CIMIP2C: variants seen among roughly 807,000 people sequenced by gnomAD.
CIMIP2C encodes the protein UPF0573 protein C2orf70.
At chr2:26,572,856 T>C in the CIMIP2C span, among the ~76,000 whole-genome samples, 3 of 151,862 alleles carry the variant, frequency 2.0e-5, no homozygotes, top group African/African-American at 4.8e-5. Flanking sequence ...ATGGTTCCAG[T>C]GTGGGAGGAA....
the CIMIP2C span, among the ~76,000 whole-genome samples, chr2:26,576,438 G>A: frequency 6.6e-6 from 1 of 152,198 alleles, no homozygotes; most frequent in Non-Finnish European, 1.5e-5. Flanking sequence ...ACTGCCAGTG[G>A]AGCTAGGGGT....
chr2:26,578,834 C>T, the CIMIP2C span: 1 of 471,336 alleles, frequency 2.1e-6, no homozygotes, highest in African/African-American at 2.0e-5. Flanking sequence ...AAGGGCCAAC[C>T]AGGTGGTTGG....
chr2:26,571,015 G>A, the CIMIP2C span, among the ~76,000 whole-genome samples: 418 of 152,234 alleles, frequency 2.7e-3, 4 homozygotes, highest in African/African-American at 9.7e-3. Context: ...GAGGGGGCAG[G>A]GATATACTGG....
the CIMIP2C span, among the ~76,000 whole-genome samples, chr2:26,569,354 A>T: frequency 1.3e-5 from 2 of 152,196 alleles, no homozygotes; most frequent in African/African-American, 2.4e-5. Flanking sequence ...GCTGGAAAGC[A>T]TTCTCACAGA....
At chr2:26,563,163 A>G in the CIMIP2C span, 1 of 159,302 alleles carries the variant, frequency 6.3e-6, no homozygotes, top group Non-Finnish European at 1.4e-5. Context: ...GCCCGCTCGA[A>G]GAACCTGGCA....
At chr2:26,566,274 G>A in the CIMIP2C span, among the ~76,000 whole-genome samples, 2 of 152,160 alleles carry the variant, frequency 1.3e-5, no homozygotes, top group Admixed American at 1.3e-4. Flanking sequence ...GCCTGGGGTG[G>A]CAGTTGTGCC....
chr2:26,565,011 A>G, the CIMIP2C span, among the ~76,000 whole-genome samples: 14 of 151,320 alleles, frequency 9.3e-5, no homozygotes, highest in African/African-American at 3.2e-4. Context: ...GCCCTTCACA[A>G]CATTTTCTTC....
the CIMIP2C span, among the ~76,000 whole-genome samples, chr2:26,572,349 G>GTTTTTTTT: frequency 2.9e-5 from 4 of 138,658 alleles, no homozygotes; most frequent in African/African-American, 2.7e-5. Context: ...TACTGAGTTG[G>GTTTTTTTT]TTTTTTTTTT....
chr2:26,574,364 G>A, the CIMIP2C span, among the ~76,000 whole-genome samples: 1 of 152,204 alleles, frequency 6.6e-6, no homozygotes, highest in Non-Finnish European at 1.5e-5. Flanking sequence ...GGCTCAGGTG[G>A]TGCAGATGGA....
chr2:26,575,876 T>TC, the CIMIP2C span: 1 of 1,604,782 alleles, frequency 6.2e-7, no homozygotes, highest in South Asian at 1.1e-5. Context: ...GATCTGTGGC[T>TC]CCACCACCCC....
the CIMIP2C span, chr2:26,578,367 G>A: frequency 1.1e-5 from 2 of 189,750 alleles, no homozygotes; most frequent in Non-Finnish European, 2.2e-5. Context: ...TTGCCTCAGA[G>A]TCCTAAGATT....
At chr2:26,564,875 G>C in the CIMIP2C span, among the ~76,000 whole-genome samples, 2 of 152,140 alleles carry the variant, frequency 1.3e-5, no homozygotes, top group African/African-American at 2.4e-5. Flanking sequence ...CTGAGGTGTG[G>C]GGGGACTTGC....
chr2:26,576,057 A>G, the CIMIP2C span: 1 of 1,613,714 alleles, frequency 6.2e-7, no homozygotes, highest in Non-Finnish European at 8.5e-7. Flanking sequence ...TTCTCCACCA[A>G]CCCCAACCTC....
At chr2:26,571,060 C>T in the CIMIP2C span, among the ~76,000 whole-genome samples, 113 of 152,196 alleles carry the variant, frequency 7.4e-4, no homozygotes, top group Non-Finnish European at 1.3e-3. Flanking sequence ...GAGTCTGTGG[C>T]GTGGTGGCCC....
chr2:26,578,796 T>G, the CIMIP2C span: 1 of 471,136 alleles, frequency 2.1e-6, no homozygotes, highest in African/African-American at 2.0e-5. Context: ...CCACTTGCAC[T>G]GCTGCTGACA....
chr2:26,576,218 C>A, the CIMIP2C span: 1 of 1,576,018 alleles, frequency 6.3e-7, no homozygotes. Flanking sequence ...CTCCTGCCCA[C>A]CTGCCCCCAC....
At chr2:26,578,783 T>C in the CIMIP2C span, 3 of 471,130 alleles carry the variant, frequency 6.4e-6, no homozygotes, top group Non-Finnish European at 1.3e-5. Flanking sequence ...TCAGGTTGCC[T>C]GGCCACTTGC....
the CIMIP2C span, among the ~76,000 whole-genome samples, chr2:26,567,631 C>T: frequency 6.6e-6 from 1 of 152,232 alleles, no homozygotes; most frequent in East Asian, 1.9e-4. Context: ...GCCCCTTCCA[C>T]TTCAACCCAG....
the CIMIP2C span, chr2:26,578,781 C>T: frequency 2.1e-6 from 1 of 471,224 alleles, no homozygotes. Flanking sequence ...CTTCAGGTTG[C>T]CTGGCCACTT....
Sources: allele counts gnomAD v4.1 joint callset (sites outside exome capture counted in the v4.1 genomes callset), GRCh38; gene constraint gnomAD v4.1.1; transcripts MANE v1.5; gene names NCBI Gene and HGNC (gene_info 2026-07-23, HGNC 2026-07-21).